ZBTB44: variants seen among roughly 807,000 people sequenced by gnomAD.
ZBTB44 encodes zinc finger and BTB domain containing 44, also known as zinc finger and BTB domain-containing protein 44.
In ZBTB44, 15 loss-of-function variants were observed where a neutral mutation model predicts 54.0. The ratio of observed to expected loss-of-function variants is 0.28; its 90% CI spans 0.19 to 0.43. ZBTB44 has a LOEUF of 0.43. Ranked by LOEUF, ZBTB44 falls within the 20% of genes least tolerant of loss-of-function variation. The pLI, the probability that ZBTB44 is intolerant of heterozygous loss-of-function variation, is 1.00. For synonymous variants in ZBTB44, 230 were observed against 250.1 expected, an observed-to-expected ratio of 0.92 and a Z score of 0.76; for missense variants, 487 against 707.1, an observed-to-expected ratio of 0.69 and a Z score of 3.53.
chr11:130,244,011 G>C (rs1441619003), intron 2 of ZBTB44, among the ~76,000 whole-genome samples: 1 of 152,034 alleles, frequency 6.6e-6, no homozygotes, highest in Non-Finnish European at 1.5e-5. Flanking sequence ...CATTTCTCCT[G>C]CTCTTTGAGT....
At chr11:130,242,830 C>A (rs1418977091) in intron 2 of ZBTB44, among the ~76,000 whole-genome samples, 1 of 152,172 alleles carries the variant, frequency 6.6e-6, no homozygotes, top group Non-Finnish European at 1.5e-5. Context: ...AAATTCTCAG[C>A]CAACCTCTCC....
intron 2 of ZBTB44, among the ~76,000 whole-genome samples, chr11:130,241,537 CTT>C (rs1421553032): frequency 6.6e-6 from 1 of 152,184 alleles, no homozygotes; most frequent in Non-Finnish European, 1.5e-5. Context: ...CTTCCTCCCT[CTT>C]TTGTGAAATG....
At chr11:130,275,089 A>G in intron 1 of ZBTB44, among the ~76,000 whole-genome samples, 1 of 152,318 alleles carries the variant, frequency 6.6e-6, no homozygotes, top group East Asian at 1.9e-4. Context: ...TGACAATTAT[A>G]TTGCTATAAA....
chr11:130,256,897 G>C (rs957959049), intron 2 of ZBTB44, among the ~76,000 whole-genome samples: 4 of 152,082 alleles, frequency 2.6e-5, no homozygotes, highest in African/African-American at 7.2e-5. Flanking sequence ...GTTCTGGCCA[G>C]AGCAATCAGG....
rs1203548891 is a variant in ZBTB44, at chr11:130,227,871, TTA to T, written c.*3891_*3892del. On this transcript the variant is annotated 3_prime_UTR_variant, in exon 8 of 8. Transcript: ENST00000357899. ...TTATTACCTCAGTCTGACTTTCTCATTATGCTTCTCTGGAAAGACACTTCTAA... is the reference window on the plus strand; with the variant it reads ...TTATTACCTCAGTCTGACTTTCTCATTGCTTCTCTGGAAAGACACTTCTAA... The T allele has an allele frequency of 2.0e-5, 3 of 152,188 alleles. No individual in the cohort carries two copies. Among genetic ancestry groups the T allele is most frequent in the Non-Finnish European group, 4.4e-5 (3 of 68,032 alleles). 9.4% of individuals were successfully genotyped at this position (152,188 alleles called of 1,614,324 possible). A position where few individuals can be genotyped will look rare whatever the true frequency, so the allele number is the denominator to read the frequency against.
chr11:130,309,868 C>A (rs1942487806), intron 1 of ZBTB44, among the ~76,000 whole-genome samples: 1 of 148,708 alleles, frequency 6.7e-6, no homozygotes, highest in African/African-American at 2.5e-5. Flanking sequence ...TGCATTCCAG[C>A]CTGGGCAACA....
chr11:130,306,905 G>T (rs1403901682), intron 1 of ZBTB44, among the ~76,000 whole-genome samples: 1 of 151,964 alleles, frequency 6.6e-6, no homozygotes, highest in Non-Finnish European at 1.5e-5. Context: ...GGGTGCAAGT[G>T]GGGTGAGGGA....
At chr11:130,294,200 G>A (rs1185017401) in intron 1 of ZBTB44, among the ~76,000 whole-genome samples, 1 of 151,860 alleles carries the variant, frequency 6.6e-6, no homozygotes, top group East Asian at 1.9e-4. Flanking sequence ...CTTGAGGCCA[G>A]GAGTTTGAGA....
At chr11:130,234,335 C>T (rs1954014757) in intron 5 of ZBTB44, 62 bp from the exon 6 acceptor site, 3 of 1,430,362 alleles carry the variant, frequency 2.1e-6, no homozygotes, top group Non-Finnish European at 2.8e-6. Context: ...AGATAAGCAA[C>T]AGTAAAAAGC....
intron 5 of ZBTB44, chr11:130,236,526 T>TA (rs1242740079): frequency 3.0e-6 from 1 of 328,314 alleles, no homozygotes; most frequent in Non-Finnish European, 5.3e-6. Flanking sequence ...TTGTATTATT[T>TA]AAAAAATATC....
chr11:130,296,867 A>T (rs57324737), intron 1 of ZBTB44: 14,594 of 734,232 alleles, frequency 0.02, 505 homozygotes, highest in African/African-American at 0.12. Flanking sequence ...ATTTGCCTCA[A>T]GTTGCTCTGC....
intron 2 of ZBTB44, among the ~76,000 whole-genome samples, chr11:130,253,405 A>G (rs1053572335): frequency 6.6e-6 from 1 of 152,244 alleles, no homozygotes; most frequent in African/African-American, 2.4e-5. Context: ...AAAAATCACA[A>G]GCATTCTTAT....
chr11:130,246,900 T>C (rs1016930300), intron 2 of ZBTB44, among the ~76,000 whole-genome samples: 2 of 152,180 alleles, frequency 1.3e-5, no homozygotes, highest in African/African-American at 2.4e-5. Flanking sequence ...AACACTTTTA[T>C]TTGTGCAATC....
rs909118318 is a variant in ZBTB44, at chr11:130,227,306, G to A, written c.*4458C>T. The A allele has an allele frequency of 6.6e-6, 1 of 152,134 alleles. No individual in the cohort carries two copies. Among genetic ancestry groups the A allele is most frequent in the African/African-American group, 2.4e-5 (1 of 41,412 alleles). 9.4% of individuals were successfully genotyped at this position (152,134 alleles called of 1,614,324 possible). A position where few individuals can be genotyped will look rare whatever the true frequency, so the allele number is the denominator to read the frequency against. On this transcript the variant is annotated 3_prime_UTR_variant, in exon 8 of 8. Transcript: ENST00000357899. ...GCTATGGCCAGTGTCACCAAGTAAA[G>A]CCATACTTGAATGAGATGACGACTG...
chr11:130,262,013 C>A, intron 1 of ZBTB44, 84 bp from the exon 2 acceptor site: 1 of 1,036,970 alleles, frequency 9.6e-7, no homozygotes, highest in Non-Finnish European at 1.3e-6. Flanking sequence ...GGCCACTGTA[C>A]TAAATTAAAA....
intron 1 of ZBTB44, among the ~76,000 whole-genome samples, chr11:130,300,167 A>G (rs1403043653): frequency 6.6e-6 from 1 of 152,186 alleles, no homozygotes; most frequent in East Asian, 1.9e-4. Flanking sequence ...GGAGACAGAG[A>G]TGGGGAGTTA....
At chr11:130,279,265 T>C (rs1033782823) in intron 1 of ZBTB44, among the ~76,000 whole-genome samples, 1 of 146,092 alleles carries the variant, frequency 6.8e-6, no homozygotes, top group African/African-American at 2.6e-5. Context: ...CTAGCTCTTA[T>C]CACACCAAGG....
At chr11:130,259,047 CA>C in intron 2 of ZBTB44, among the ~76,000 whole-genome samples, 1 of 152,276 alleles carries the variant, frequency 6.6e-6, no homozygotes, top group South Asian at 2.1e-4. Flanking sequence ...TCAAGAACTA[CA>C]AACCACTGCT....
chr11:130,296,453 C>T (rs1277382802), intron 1 of ZBTB44: 1 of 1,219,674 alleles, frequency 8.2e-7, no homozygotes, highest in Non-Finnish European at 1.2e-6. Context: ...CCACATTCTT[C>T]CAGTTCTGCA....
Sources: allele counts gnomAD v4.1 joint callset (sites outside exome capture counted in the v4.1 genomes callset), GRCh38; gene constraint gnomAD v4.1.1; transcripts MANE v1.5; gene names NCBI Gene and HGNC (gene_info 2026-07-23, HGNC 2026-07-21).